OBSL1: variants seen among roughly 807,000 people sequenced by gnomAD.
OBSL1 encodes the protein obscurin like cytoskeletal adaptor 1.
In OBSL1, 160 loss-of-function variants were observed where a neutral mutation model predicts 172.0. The observed-to-expected ratio is 0.93, with a 90% CI of 0.82 to 1.06. The LOEUF (loss-of-function observed/expected upper bound fraction) is 1.06. OBSL1 is among the 50% of genes least tolerant of loss of function. The pLI, the probability that OBSL1 is intolerant of heterozygous loss-of-function variation, is 0.00. For missense variants in OBSL1, 2,681 were observed against 2,715.4 expected (o/e 0.99, Z 0.28); for synonymous variants, 1,200 against 1,196.3 (o/e 1.00, Z -0.06).
In OBSL1 at chr2:219,570,328, A is replaced by C. The variant is rs759134881; in HGVS notation, c.905T>G (p.Phe302Cys). 1 of 1,612,162 alleles carries C rather than the reference A, an allele frequency of 6.2e-7. No individual in the cohort carries two copies. The change falls in exon 1 of 21, where the codon TTC (phenylalanine) becomes TGC (cysteine). Residue 302 changes from phenylalanine to cysteine, a missense_variant. Transcript: ENST00000404537. ...RLMYRDRDGG[F>C]VLKVLYCQAK... ...CTGGCAGTAAAGCACCTTGAGCACG[A>C]AGCCGCCGTCGCGGTCGCGGTACAT...
At position 219,552,234 on chromosome 2, in the gene OBSL1, G is replaced by C. The variant is rs762232588; in HGVS notation, c.5309-18C>G. 1 of 1,573,520 alleles carries C rather than the reference G, an allele frequency of 6.4e-7. No individual in the cohort carries two copies. Among genetic ancestry groups the C allele is most frequent in the South Asian group, 1.2e-5 (1 of 86,184 alleles). On this transcript the variant is annotated intron_variant, in intron 18 of 20. Transcript: ENST00000404537. ...TTTCTTCCCTGGGGGTGAGGGGGTC[G>C]CTAGCGAGGCCGGAGCCACCTCTGA...
At chr2:219,562,853 AC>A (rs1696590567) in intron 7 of OBSL1, 179 bp from the exon 8 acceptor site, 2 of 680,812 alleles carry the variant, frequency 2.9e-6, no homozygotes, top group East Asian at 5.5e-5. Flanking sequence ...TACAGCTGTC[AC>A]AAAAGCACAG....
At chr2:219,549,572 T>C (rs1256140614), downstream of OBSL1, 38 of 1,329,048 alleles carry the variant, frequency 2.9e-5, no homozygotes, top group Non-Finnish European at 3.8e-5. Flanking sequence ...TTAAGTGGGA[T>C]ATGGTATGTG....
chr2:219,561,911 T>C (rs1696500865), intron 8 of OBSL1: 2 of 717,268 alleles, frequency 2.8e-6, no homozygotes, highest in Non-Finnish European at 5.2e-6. Context: ...TTCGTCGCCA[T>C]GGGGGGAAGC....
intron 8 of OBSL1, among the ~76,000 whole-genome samples, chr2:219,561,260 T>C (rs887327574): frequency 1.3e-5 from 2 of 151,994 alleles, no homozygotes; most frequent in Non-Finnish European, 2.9e-5. Flanking sequence ...GTGCAGCCAC[T>C]GGGGTTCTGT....
chr2:219,549,089 G>T (rs1487350665), downstream of OBSL1: 56 of 1,586,300 alleles, frequency 3.5e-5, no homozygotes, highest in Non-Finnish European at 4.4e-5. Flanking sequence ...ATGAGAGAGG[G>T]AGGGCTCAAG....
chr2:219,565,624 A>G (rs1696830008), intron 5 of OBSL1, 110 bp from the exon 6 acceptor site: 1 of 1,047,770 alleles, frequency 9.5e-7, no homozygotes, highest in Non-Finnish European at 1.4e-6. Flanking sequence ...AAATAGGCTT[A>G]GGCTTCCACA....
rs886055668 is a variant in OBSL1, at chr2:219,571,044, G to T, written c.189C>A (p.Asp63Glu). Reference sequence around the variant, plus strand: ...TCAGCAGCAGGCCGTGCTCCGCGCCGTCCGCCGGGAAGCTCAGGCGTTCCG... The same window carrying T: ...TCAGCAGCAGGCCGTGCTCCGCGCCTTCCGCCGGGAAGCTCAGGCGTTCCG... ...AASERLSFPADGAEHGLLLTA... is the reference protein window; with the variant it reads ...AASERLSFPAEGAEHGLLLTA... The change falls in exon 1 of 21, where the codon GAC (aspartate) becomes GAA (glutamate). Residue 63 changes from aspartate (D) to glutamate (E), a missense_variant. By Grantham distance (45) the Asp-to-Glu change is conservative. Coordinates refer to ENST00000404537, the MANE Select transcript of OBSL1 (RefSeq NM_015311.3). The T allele has an allele frequency of 7.5e-6, 11 of 1,458,172 alleles. No individual in the cohort carries two copies. Among genetic ancestry groups the T allele is most frequent in the Middle Eastern group, 1.9e-4 (1 of 5,390 alleles). The allele number at this position is 1,458,172 out of a possible 1,614,324, so 90.3% of individuals were successfully genotyped here.
intron 8 of OBSL1, among the ~76,000 whole-genome samples, chr2:219,561,462 TC>T (rs1696461269): frequency 1.3e-5 from 2 of 152,048 alleles, no homozygotes. Flanking sequence ...TGAAAGCACT[TC>T]CTGTTGCCTG....
downstream of OBSL1, chr2:219,547,589 C>T (rs751992966): frequency 2.0e-6 from 3 of 1,466,618 alleles, no homozygotes; most frequent in Admixed American, 2.4e-5. Flanking sequence ...CTACCGAGAG[C>T]GGGTGCTAGA....
Position 219,565,362 on chromosome 2 carries a change from C to A in OBSL1, c.2287G>T (p.Val763Leu), listed in dbSNP as rs751023705. The A allele has an allele frequency of 5.6e-6, 9 of 1,613,932 alleles. No homozygotes were observed. Among genetic ancestry groups the A allele is most frequent in the Non-Finnish European group, 7.6e-6 (9 of 1,179,916 alleles). The part of the protein sequence containing the change: ...GQKVEESELL[V>L]VKMDGRKHRL... ...TGTTTGCGCCCATCCATCTTCACCA[C>A]CAGCAACTCGCTCTCCTCCACCTTC... The change falls in exon 6 of 21, where the codon GTG (valine) becomes TTG (leucine). Residue 763 changes from valine to leucine, a missense_variant. Val to Leu is a conservative substitution (Grantham distance 32, BLOSUM62 1). Around this residue, in one of 5 missense-constraint regions of OBSL1, gnomAD observed 1,765 missense variants for 1,748.3 expected, o/e 1.01. Coordinates refer to ENST00000404537, the MANE Select transcript of OBSL1 (RefSeq NM_015311.3).
Position 219,553,587 on chromosome 2 carries a change from A to G in OBSL1, c.4976T>C (p.Val1659Ala), listed in dbSNP as rs981061219. The G allele has an allele frequency of 1.2e-5, 19 of 1,613,454 alleles. No homozygotes were observed. The highest frequency in any genetic ancestry group is 1.6e-4 in the Middle Eastern group (1 of 6,082). Residue 1659 changes from valine (V) to alanine (A), a missense_variant, in exon 16 of 21, where the codon GTT becomes GCT. Transcript: ENST00000404537. Reference protein sequence around the residue: ...ECELSQALADVTWEKDGNALT... With the variant: ...ECELSQALADATWEKDGNALT... ...CTGGGATCTGACCTTCTCCCAGGTAACATCAGCCAAAGCTTGGGAAAGCTC... is the reference window on the plus strand; with the variant it reads ...CTGGGATCTGACCTTCTCCCAGGTAGCATCAGCCAAAGCTTGGGAAAGCTC...
Position 219,568,307 on chromosome 2 carries a change from T to C in OBSL1, c.1030A>G (p.Thr344Ala), listed in dbSNP as rs199548396. 268 of 1,605,634 alleles carry C rather than the reference T, an allele frequency of 1.7e-4. 1 individual carries two copies. The East Asian group carries it at 6.0e-3, about 36-fold the overall frequency. ...LHVKEPRLRF[T>A]RPLQDVEGRE... ...CCCTCCACGTCCTGCAGGGGCCGTG[T>C]GAACCGGAGGCGGGGCTCTGTGGAG... The change falls in exon 2 of 21, where the codon ACA becomes GCA. Residue 344 changes from threonine (T) to alanine (A), a missense_variant. Physicochemically the swap from Thr to Ala is moderately conservative, Grantham distance 58. Transcript: ENST00000404537. This position sits in a 1 kb window ranked among gnomAD's most constrained non-coding sequence, Gnocchi z 4.1.
chr2:219,559,536 C>T lies in OBSL1; in HGVS notation c.2954-39G>A, dbSNP rs765022776. The T allele has an allele frequency of 2.6e-5, 41 of 1,588,002 alleles. No homozygotes were observed. In the South Asian group the frequency reaches 4.6e-4, roughly 18 times the overall value. On this transcript the variant is annotated intron_variant, in intron 8 of 20. Coordinates refer to ENST00000404537, the MANE Select transcript of OBSL1 (RefSeq NM_015311.3). ...ACAACCACAGCCTGTCACAAGCTCA[C>T]CGTCAGCCTCTCTGGAGCCATTCGG...
chr2:219,562,867 G>A, intron 7 of OBSL1, 193 bp from the exon 8 acceptor site: 2 of 648,062 alleles, frequency 3.1e-6, no homozygotes, highest in Non-Finnish European at 5.2e-6. Flanking sequence ...AAGCACAGCA[G>A]ACTTTCTGCT....
intron 15 of OBSL1, 60 bp downstream of exon 15, chr2:219,554,414 T>C: frequency 6.3e-7 from 1 of 1,585,190 alleles, no homozygotes; most frequent in Non-Finnish European, 8.6e-7. Context: ...TCAGTATTCA[T>C]GCCTGGGGTA....
intron 9 of OBSL1, 60 bp downstream of exon 9, chr2:219,559,165 G>A (rs1032535458): frequency 1.2e-5 from 18 of 1,493,058 alleles, no homozygotes; most frequent in Non-Finnish European, 1.5e-5. Context: ...GGCTAGGTGG[G>A]TGTCTGTCCC....
chr2:219,565,645 A>G, intron 5 of OBSL1, 131 bp from the exon 6 acceptor site: 1 of 826,472 alleles, frequency 1.2e-6, no homozygotes, highest in Non-Finnish European at 1.9e-6. Context: ...CCAACCCTTA[A>G]GAGCAGTGCT....
At chr2:219,555,451 ATT>A in intron 14 of OBSL1, 4 of 172,342 alleles carry the variant, frequency 2.3e-5, no homozygotes, top group Admixed American at 6.5e-5. Flanking sequence ...GCTAATTTTT[ATT>A]TTTTTTTGTG....
Sources: gnomAD v4.1 joint callset for allele counts (sites outside exome capture counted in the v4.1 genomes callset) on GRCh38, gnomAD v4.1.1 for gene constraint, gnomAD v4.1.1 regional missense constraint, Gnocchi (gnomAD v3.1) non-coding constraint, MANE v1.5 for transcripts, NCBI Gene and HGNC (gene_info 2026-07-23, HGNC 2026-07-21) for gene names.